The following OSBP2 variants were observed in gnomAD, a reference collection of about 807,000 sequenced individuals.
The protein encoded by OSBP2 is oxysterol binding protein 2.
A neutral mutation model predicts 96.0 loss-of-function variants in OSBP2; 66 were observed. That is an observed-to-expected ratio of 0.69 (90% CI 0.56 to 0.84). OSBP2 has a LOEUF of 0.84. OSBP2 is among the 40% of genes least tolerant of loss of function. The pLI, the probability that OSBP2 is intolerant of heterozygous loss-of-function variation, is 0.00. For synonymous variants in OSBP2, 525 were observed against 520.9 expected (o/e 1.01, Z -0.11); for missense variants, 1,038 against 1,222.7 (o/e 0.85, Z 2.25).
intron 2 of OSBP2, among the ~76,000 whole-genome samples, chr22:30,859,431 GAT>G (rs1347663085): frequency 6.6e-6 from 1 of 152,244 alleles, no homozygotes; most frequent in Non-Finnish European, 1.5e-5. Context: ...ACTGGTCAGG[GAT>G]TGCTGACCCC....
intron 1 of OSBP2, among the ~76,000 whole-genome samples, chr22:30,730,058 G>T (rs2089722798): frequency 1.3e-5 from 2 of 152,012 alleles, no homozygotes; most frequent in African/African-American, 4.8e-5. Context: ...TGCCTCCCAG[G>T]TTCAAGCGAT....
intron 2 of OSBP2, among the ~76,000 whole-genome samples, chr22:30,831,328 G>C (rs2038518343): frequency 6.6e-6 from 1 of 152,178 alleles, no homozygotes. Context: ...GTCCTTACTA[G>C]TTCAGTTATT....
At position 30,768,233 on chromosome 22, in the gene OSBP2, G is replaced by A. The variant is rs144001265; in HGVS notation, c.853+26864G>A. Among the ~76,000 whole-genome samples the A allele has an allele frequency of 1.0e-3, 152 of 152,212 alleles. 1 individual carries two copies. The highest frequency in any genetic ancestry group is 3.4e-3 in the African/African-American group (142 of 41,504). ...CATTTGTTCTGAGCCCCTCCTCATG[G>A]GACTTTAGCCTGCCACCCAAGCCCA... On this transcript the variant is annotated intron_variant, in intron 2 of 13. Coordinates refer to ENST00000332585, the MANE Select transcript of OSBP2 (RefSeq NM_030758.4).
At chr22:30,733,827 T>C (rs1171613706) in intron 1 of OSBP2, among the ~76,000 whole-genome samples, 1 of 152,132 alleles carries the variant, frequency 6.6e-6, no homozygotes, top group East Asian at 1.9e-4. Context: ...TGAGAATCGG[T>C]GTAGTTAACT....
chr22:30,800,339 C>T (rs1380353148), intron 2 of OSBP2, among the ~76,000 whole-genome samples: 2 of 152,054 alleles, frequency 1.3e-5, no homozygotes, highest in Non-Finnish European at 2.9e-5. Context: ...GTCCAGGCCT[C>T]CCGAAGTGTC....
intron 12 of OSBP2, among the ~76,000 whole-genome samples, chr22:30,895,374 G>T (rs1046394750): frequency 1.3e-5 from 2 of 152,040 alleles, no homozygotes; most frequent in Non-Finnish European, 2.9e-5. Context: ...CTGAAGACAA[G>T]AAATAAAGAA....
chr22:30,886,384 G>A (rs1372017133), intron 3 of OSBP2, among the ~76,000 whole-genome samples: 2 of 152,180 alleles, frequency 1.3e-5, no homozygotes, highest in African/African-American at 4.8e-5. Flanking sequence ...AGATTGTGGA[G>A]ACCAAGGTTC....
At chr22:30,849,716 C>T (rs1338866357) in intron 2 of OSBP2, among the ~76,000 whole-genome samples, 2 of 152,128 alleles carry the variant, frequency 1.3e-5, no homozygotes, top group South Asian at 2.1e-4. Context: ...TCTGAGATCA[C>T]ATGATTTTAA....
chr22:30,695,345 G>A lies in OSBP2; in HGVS notation c.436G>A (p.Ala146Thr). ...FLRPESGSLP[A>T]LKPLPLLRPG... ...CAGACCCGAGTCAGGATCGCTGCCAGCGTTAAAGCCCCTGCCTCTTCTGCG... is the reference window on the plus strand; with the variant it reads ...CAGACCCGAGTCAGGATCGCTGCCAACGTTAAAGCCCCTGCCTCTTCTGCG... The change falls in exon 1 of 14, where the codon GCG (alanine) becomes ACG (threonine). Residue 146 changes from alanine to threonine, a missense_variant. Transcript: ENST00000332585. 1 of 1,613,704 alleles carries A rather than the reference G, an allele frequency of 6.2e-7. No homozygotes were observed. Among genetic ancestry groups the A allele is most frequent in the Non-Finnish European group, 8.5e-7 (1 of 1,180,046 alleles).
At chr22:30,903,934 T>G (rs2040271579) in intron 12 of OSBP2, among the ~76,000 whole-genome samples, 1 of 152,218 alleles carries the variant, frequency 6.6e-6, no homozygotes, top group Non-Finnish European at 1.5e-5. Context: ...CAGATGATCG[T>G]ATAGGACTGT....
chr22:30,808,916 T>G (rs2090969456), intron 2 of OSBP2, among the ~76,000 whole-genome samples: 1 of 152,010 alleles, frequency 6.6e-6, no homozygotes, highest in Non-Finnish European at 1.5e-5. Flanking sequence ...ATTGTGCCAC[T>G]GCACTCCAGC....
At chr22:30,885,668 GGACTGGCCCAGGGTAGACAAGGGCCAGT>G (rs1275156807) in intron 3 of OSBP2, among the ~76,000 whole-genome samples, 2 of 152,244 alleles carry the variant, frequency 1.3e-5, no homozygotes, top group East Asian at 3.8e-4. Flanking sequence ...CCACGGCCAG[GGACTGGCCCAGGGTAGACAAGGGCCAGT>G]GACAAACCTG....
At chr22:30,785,521 C>T (rs555880459) in intron 2 of OSBP2, among the ~76,000 whole-genome samples, 3 of 147,938 alleles carry the variant, frequency 2.0e-5, no homozygotes, top group South Asian at 2.1e-4. Context: ...GAGCCAAGAT[C>T]GCGCCATTGC....
chr22:30,701,095 C>CAA (rs61586620), intron 1 of OSBP2, among the ~76,000 whole-genome samples: 3 of 106,910 alleles, frequency 2.8e-5, no homozygotes. Context: ...AACTACGTCT[C>CAA]AAAAAAAAAA....
At position 30,700,257 on chromosome 22, in the gene OSBP2, C is replaced by T. The variant is rs116441573; in HGVS notation, c.644+4704C>T. ...GGAATAACAGGCTTGAGCCACCGAG[C>T]CTGGCCTAGAAGACAAGATTCTTAT... On this transcript the variant is annotated intron_variant, in intron 1 of 13. Transcript: ENST00000332585. Among the ~76,000 whole-genome samples, 1,017 of 152,122 alleles carry T rather than the reference C, an allele frequency of 6.7e-3. 12 individuals are homozygous for T. Among genetic ancestry groups the T allele is most frequent in the African/African-American group, 0.021 (891 of 41,508 alleles).
chr22:30,750,169 G>C (rs1301157033), intron 2 of OSBP2, among the ~76,000 whole-genome samples: 1 of 152,184 alleles, frequency 6.6e-6, no homozygotes, highest in African/African-American at 2.4e-5. Flanking sequence ...AGTGGGCCCA[G>C]GGGCAGATCT....
At chr22:30,865,514 C>A (rs2039317283) in intron 2 of OSBP2, among the ~76,000 whole-genome samples, 2 of 151,694 alleles carry the variant, frequency 1.3e-5, no homozygotes, top group Non-Finnish European at 2.9e-5. Context: ...TGCCTGTAAT[C>A]CCAGCTACTC....
At chr22:30,873,766 G>A (rs776860410) in intron 3 of OSBP2, among the ~76,000 whole-genome samples, 5 of 152,214 alleles carry the variant, frequency 3.3e-5, no homozygotes, top group African/African-American at 4.8e-5. Flanking sequence ...TGATTGAGCC[G>A]GATCGTAGAA....
intron 1 of OSBP2, among the ~76,000 whole-genome samples, chr22:30,725,108 G>A (rs1230307179): frequency 3.3e-5 from 5 of 150,864 alleles, no homozygotes; most frequent in Non-Finnish European, 7.4e-5. Context: ...CCCAGGAGGC[G>A]GATCTTGCAG....
Sources: gnomAD v4.1 joint callset for allele counts (sites outside exome capture counted in the v4.1 genomes callset) on GRCh38, gnomAD v4.1.1 for gene constraint, MANE v1.5 for transcripts, NCBI Gene and HGNC (gene_info 2026-07-23, HGNC 2026-07-21) for gene names.